PLAG1: variants seen among roughly 807,000 people sequenced by gnomAD.
PLAG1 encodes the protein PLAG1 zinc finger.
A neutral mutation model predicts 35.5 loss-of-function variants in PLAG1; 7 were observed. The ratio of observed to expected loss-of-function variants is 0.20; its 90% CI spans 0.11 to 0.37. PLAG1 has a LOEUF of 0.37. Among genes scored for constraint, PLAG1 ranks in the 10% least tolerant of loss-of-function variants. The pLI, the probability that PLAG1 is intolerant of heterozygous loss-of-function variation, is 1.00. For missense variants in PLAG1, 454 were observed against 602.8 expected (o/e 0.75, Z 2.58); for synonymous variants, 229 against 225.4 (o/e 1.02, Z -0.14).
chr8:56,188,239 T>A lies in PLAG1; in HGVS notation c.-321-8726A>T, dbSNP rs143077100. Among the ~76,000 whole-genome samples the A allele has an allele frequency of 4.1e-3, 621 of 152,260 alleles. 2 individuals are homozygous for A. The highest frequency in any genetic ancestry group is 6.8e-3 in the Middle Eastern group (2 of 294). On this transcript the variant is annotated intron_variant, in intron 1 of 4. Transcript: ENST00000316981. ...AGTTTGGCAAGAGGTTGCATGGAAC[T>A]GAATCCCATCTTGCAGAGCCATTTG... is the stretch of plus-strand genomic sequence containing the variant.
At chr8:56,177,974 C>T (rs1444539773) in intron 2 of PLAG1, 35 of 946,018 alleles carry the variant, frequency 3.7e-5, no homozygotes, top group South Asian at 4.9e-5. Context: ...ACCCAGAGCC[C>T]GCCAAGCACG....
intron 2 of PLAG1, among the ~76,000 whole-genome samples, chr8:56,176,419 TG>T (rs1035024811): frequency 8.6e-5 from 2 of 23,248 alleles, no homozygotes; most frequent in Admixed American, 5.3e-4. Context: ...GGGGTGGGGG[TG>T]GGGGGTTCCC....
In PLAG1 at chr8:56,211,108, C is replaced by T. The variant is rs1812897434; in HGVS notation, c.-322+13G>A. The T allele has an allele frequency of 6.5e-6, 1 of 153,232 alleles. No individual in the cohort carries two copies. The highest frequency in any genetic ancestry group is 6.6e-5 in the Admixed American group (1 of 15,266). 9.5% of individuals were successfully genotyped at this position (153,232 alleles called of 1,614,324 possible). A position where few individuals can be genotyped will look rare whatever the true frequency, so the allele number is the denominator to read the frequency against. ...AACGCCTCGCCGCCGCCCCGGACCC[C>T]CGGAGAACTCACCGCGGGGCTTTAA... On this transcript the variant is annotated intron_variant, in intron 1 of 4. Coordinates refer to ENST00000316981, the MANE Select transcript of PLAG1 (RefSeq NM_002655.3).
At chr8:56,202,213 A>G (rs995568399) in intron 1 of PLAG1, among the ~76,000 whole-genome samples, 6 of 152,220 alleles carry the variant, frequency 3.9e-5, no homozygotes, top group African/African-American at 1.4e-4. Context: ...TGAACTGTGC[A>G]ACTTGAAAAA....
At position 56,168,357 on chromosome 8, in the gene PLAG1, C is replaced by G. The variant is rs1811417334; in HGVS notation, c.-88G>C. 18 of 1,358,100 alleles carry G rather than the reference C, an allele frequency of 1.3e-5. No individual in the cohort carries two copies. The highest frequency in any genetic ancestry group is 1.5e-5 in the Non-Finnish European group (16 of 1,046,482). The allele number at this position is 1,358,100 out of a possible 1,614,324, so 84.1% of individuals were successfully genotyped here. On this transcript the variant is annotated 5_prime_UTR_variant, in exon 4 of 5. It removes an upstream start codon present in the reference 5' UTR. Coordinates refer to ENST00000316981, the MANE Select transcript of PLAG1 (RefSeq NM_002655.3). ...TAGCTTTAGGTGGCTTCTCAAGTTT[C>G]ATGTGGTCGTAAAAGAAAGCAAAAA... is the stretch of plus-strand genomic sequence containing the variant.
At position 56,167,331 on chromosome 8, in the gene PLAG1, G is replaced by A; in HGVS notation, c.415C>T (p.His139Tyr). Residue 139 changes from histidine to tyrosine, a missense_variant, in exon 5 of 5, where the codon CAC (histidine) becomes TAC (tyrosine). This residue lies in a region of PLAG1 where 170 missense variants were observed against 226.3 expected (regional missense o/e 0.75). Coordinates refer to ENST00000316981, the MANE Select transcript of PLAG1 (RefSeq NM_002655.3). This position sits in a 1 kb window ranked among gnomAD's most constrained non-coding sequence, Gnocchi z 5.9. The stretch of plus-strand genomic sequence containing the variant: ...CTTGTTGCGGCATGCAAGGCCAAGT[G>A]ACGTTTAAATCCAAGCTTGGTATTG... ...NYNTKLGFKRHLALHAATSGD... is the reference protein window; with the variant it reads ...NYNTKLGFKRYLALHAATSGD... The A allele has an allele frequency of 6.2e-7, 1 of 1,614,028 alleles. No homozygotes were observed. Among genetic ancestry groups the A allele is most frequent in the Non-Finnish European group, 8.5e-7 (1 of 1,179,992 alleles).
intron 1 of PLAG1, among the ~76,000 whole-genome samples, chr8:56,180,495 C>T (rs1811832893): frequency 6.6e-6 from 1 of 152,196 alleles, no homozygotes; most frequent in Non-Finnish European, 1.5e-5. Flanking sequence ...TCAATTTTGG[C>T]TTTTGTTGCC....
chr8:56,170,718 T>G (rs1234669165), intron 3 of PLAG1, among the ~76,000 whole-genome samples: 1 of 152,142 alleles, frequency 6.6e-6, no homozygotes, highest in Admixed American at 6.5e-5. Context: ...TTCTAAGTTA[T>G]TAAAAAAAAT....
At position 56,165,528 on chromosome 8, in the gene PLAG1, G is replaced by A. The variant is rs1288311526; in HGVS notation, c.*715C>T. 2 of 207,334 alleles carry A rather than the reference G, an allele frequency of 9.6e-6. No individual in the cohort carries two copies. Among genetic ancestry groups the A allele is most frequent in the Non-Finnish European group, 2.0e-5 (2 of 101,642 alleles). 12.8% of individuals were successfully genotyped at this position (207,334 alleles called of 1,614,324 possible). A position where few individuals can be genotyped will look rare whatever the true frequency, so the allele number is the denominator to read the frequency against. The stretch of plus-strand genomic sequence containing the variant: ...GATGAAACACGACAAAATATCCTGT[G>A]TACTAATTTAGGGCCAACTATTAAG... On this transcript the variant is annotated 3_prime_UTR_variant, in exon 5 of 5. Coordinates refer to ENST00000316981, the MANE Select transcript of PLAG1 (RefSeq NM_002655.3).
At chr8:56,175,847 A>G (rs1409140925) in intron 2 of PLAG1, among the ~76,000 whole-genome samples, 1 of 152,180 alleles carries the variant, frequency 6.6e-6, no homozygotes, top group Non-Finnish European at 1.5e-5. Flanking sequence ...TATCTGTACA[A>G]GCAGGATGTT....
chr8:56,207,876 C>G (rs1230538794), intron 1 of PLAG1, among the ~76,000 whole-genome samples: 1 of 152,082 alleles, frequency 6.6e-6, no homozygotes, highest in Admixed American at 6.6e-5. Context: ...GATTGGTGCA[C>G]TCTGAGTGCG....
At chr8:56,209,334 T>G (rs1275749133) in intron 1 of PLAG1, 1 of 152,234 alleles carries the variant, frequency 6.6e-6, no homozygotes, top group East Asian at 1.9e-4. Context: ...GGATACAAAC[T>G]ATACACATAT....
rs1031202774 is a variant in PLAG1, at chr8:56,161,621, T to C, written c.*4622A>G. The C allele has an allele frequency of 7.9e-5, 18 of 228,314 alleles. No individual in the cohort carries two copies. Among genetic ancestry groups the C allele is most frequent in the African/African-American group, 3.8e-4 (17 of 45,042 alleles). 14.1% of individuals were successfully genotyped at this position (228,314 alleles called of 1,614,324 possible). A position where few individuals can be genotyped will look rare whatever the true frequency, so the allele number is the denominator to read the frequency against. On this transcript the variant is annotated 3_prime_UTR_variant, in exon 5 of 5. Transcript: ENST00000316981. ...CATGTCCGAGATCTCCTTTTGCAAG[T>C]GCACATGAATACATTGTGGTGGTGT...
At chr8:56,181,324 C>A (rs1026669970) in intron 1 of PLAG1, among the ~76,000 whole-genome samples, 10 of 152,162 alleles carry the variant, frequency 6.6e-5, no homozygotes, top group African/African-American at 2.2e-4. Context: ...GCCCAAATGT[C>A]CATCAATGAT....
intron 2 of PLAG1, among the ~76,000 whole-genome samples, chr8:56,173,751 T>C (rs1016103767): frequency 6.6e-6 from 1 of 152,138 alleles, no homozygotes; most frequent in African/African-American, 2.4e-5. Context: ...CTAGTTTTTG[T>C]TGGTACCAGA....
At position 56,164,932 on chromosome 8, in the gene PLAG1, C is replaced by G; in HGVS notation, c.*1311G>C. 1 of 209,010 alleles carries G rather than the reference C, an allele frequency of 4.8e-6. No individual in the cohort carries two copies. The highest frequency in any genetic ancestry group is 9.7e-6 in the Non-Finnish European group (1 of 102,674). The allele number at this position is 209,010 out of a possible 1,614,324, so 12.9% of individuals were successfully genotyped here. ...GGATTTTACTGTATATATTTCTAGT[C>G]ACTTAAAACTTTGTGGTAGTTCATC... On this transcript the variant is annotated 3_prime_UTR_variant, in exon 5 of 5. Coordinates refer to ENST00000316981, the MANE Select transcript of PLAG1 (RefSeq NM_002655.3).
At position 56,168,303 on chromosome 8, in the gene PLAG1, T is replaced by C; in HGVS notation, c.-34A>G. The C allele has an allele frequency of 6.3e-7, 1 of 1,580,292 alleles. No individual in the cohort carries two copies. Among genetic ancestry groups the C allele is most frequent in the South Asian group, 1.2e-5 (1 of 84,666 alleles). On this transcript the variant is annotated 5_prime_UTR_variant, in exon 4 of 5. Transcript: ENST00000316981. ...AAACCAGGCCTTCTTGTTGGACACT[T>C]GGGAACTGCCCAACTCCACTAAATG...
rs534297723 is a variant in PLAG1, at chr8:56,181,789, G to T, written c.-321-2276C>A. Among the ~76,000 whole-genome samples, 4 of 152,112 alleles carry T rather than the reference G, an allele frequency of 2.6e-5. No individual in the cohort carries two copies. The South Asian group carries it at 8.3e-4, about 32-fold the overall frequency. ...AATGTTAAATAAGATCTGCCATAAC[G>T]TGGTATCAGAGTGACAAATCAACAT... On this transcript the variant is annotated intron_variant, in intron 1 of 4. Coordinates refer to ENST00000316981, the MANE Select transcript of PLAG1 (RefSeq NM_002655.3).
intron 1 of PLAG1, among the ~76,000 whole-genome samples, chr8:56,210,560 C>A (rs896974420): frequency 1.1e-4 from 17 of 152,190 alleles, no homozygotes; most frequent in Non-Finnish European, 2.5e-4. Context: ...TACCCCAAGT[C>A]ACTCAAAGTG....
Sources: gnomAD v4.1 joint callset for allele counts (sites outside exome capture counted in the v4.1 genomes callset) on GRCh38, gnomAD v4.1.1 for gene constraint, gnomAD v4.1.1 regional missense constraint, Gnocchi (gnomAD v3.1) non-coding constraint, MANE v1.5 for transcripts, NCBI Gene and HGNC (gene_info 2026-07-23, HGNC 2026-07-21) for gene names.